LOXHD1: variants seen among roughly 807,000 people sequenced by gnomAD.
LOXHD1 encodes lipoxygenase homology PLAT domains 1.
LOXHD1 carries 205 observed loss-of-function variants against 248.2 expected under a neutral mutation model. The observed-to-expected ratio is 0.83, with a 90% CI of 0.74 to 0.93. The LOEUF is 0.93. LOXHD1 is among the 40% of genes least tolerant of loss of function. The pLI is 0.00. For synonymous variants in LOXHD1, 1,113 were observed against 1,162.8 expected (o/e 0.96, Z 0.87); for missense variants, 2,930 against 2,971.6 (o/e 0.99, Z 0.33).
At chr18:46,491,400 T>TG (rs1368406724) in intron 37 of LOXHD1, among the ~76,000 whole-genome samples, 1 of 152,184 alleles carries the variant, frequency 6.6e-6, no homozygotes, top group Non-Finnish European at 1.5e-5. Context: ...CAGTTTGCGG[T>TG]GGGGTCCAAG....
chr18:46,538,423 A>G (rs1358323713), intron 25 of LOXHD1, 86 bp from the exon 26 acceptor site: 1 of 1,299,024 alleles, frequency 7.7e-7, no homozygotes, highest in Non-Finnish European at 1.1e-6. Flanking sequence ...CACCAGCACA[A>G]CCAGCCCAGA....
chr18:46,490,345 A>C lies in LOXHD1; in HGVS notation c.5879-1203T>G, dbSNP rs542784854. Among the ~76,000 whole-genome samples the C allele has an allele frequency of 7.2e-5, 11 of 152,372 alleles. No homozygotes were observed. The South Asian group carries it at 2.1e-3, about 29-fold the overall frequency. Reference sequence around the variant, plus strand: ...GGGAATACACATTGGCGGTCCTGGTATAGCATCATTCCAGGTTGAAAAAGT... The same window carrying C: ...GGGAATACACATTGGCGGTCCTGGTCTAGCATCATTCCAGGTTGAAAAAGT... On this transcript the variant is annotated intron_variant, in intron 37 of 40. Coordinates refer to ENST00000642948, the MANE Select transcript of LOXHD1 (RefSeq NM_001384474.1).
At chr18:46,502,331 G>T (rs1011556864) in intron 37 of LOXHD1, among the ~76,000 whole-genome samples, 5 of 152,156 alleles carry the variant, frequency 3.3e-5, no homozygotes, top group African/African-American at 1.2e-4. Context: ...TGAGACAGAA[G>T]GTATGGGAGC....
chr18:46,480,996 A>T (rs953605882), intron 40 of LOXHD1, among the ~76,000 whole-genome samples: 1 of 152,220 alleles, frequency 6.6e-6, no homozygotes, highest in Admixed American at 6.5e-5. Context: ...AGAACTGGTC[A>T]GGAAGGTCAA....
intron 25 of LOXHD1, among the ~76,000 whole-genome samples, chr18:46,540,705 G>A (rs1024089235): frequency 5.9e-5 from 8 of 136,104 alleles, no homozygotes; most frequent in Non-Finnish European, 1.1e-4. Flanking sequence ...GGCATGTAGG[G>A]AGAAATGGAT....
chr18:46,547,141 C>T lies in LOXHD1; in HGVS notation c.3351-83G>A, dbSNP rs138335007. On this transcript the variant is annotated intron_variant, in intron 21 of 40. Coordinates refer to ENST00000642948, the MANE Select transcript of LOXHD1 (RefSeq NM_001384474.1). The stretch of plus-strand genomic sequence containing the variant: ...GCAGTCATGGGCTGAGAATGAGAGG[C>T]CCTCTATGGGGTCCCAAACTCTCCC... 4.7e-6 allele frequency: 7 copies of T among 1,482,390 alleles called. No individual in the cohort carries two copies. The African/African-American group carries it at 9.8e-5, about 21-fold the overall frequency. The allele number at this position is 1,482,390 out of a possible 1,614,324, so 91.8% of individuals were successfully genotyped here.
At chr18:46,622,863 T>C (rs1451648034) in intron 4 of LOXHD1, among the ~76,000 whole-genome samples, 1 of 152,200 alleles carries the variant, frequency 6.6e-6, no homozygotes, top group Non-Finnish European at 1.5e-5. Flanking sequence ...TCTGCAATCT[T>C]AGTCTTAAGC....
Position 46,522,163 on chromosome 18 carries a change from G to A in LOXHD1, c.5023C>T (p.Arg1675Cys), listed in dbSNP as rs201060702. The A allele has an allele frequency of 9.8e-4, 1,528 of 1,551,604 alleles. 6 individuals are homozygous for A. The Middle Eastern group carries it at 0.013, about 13-fold the overall frequency. ...DYPRGKRGFS[R>C]GSVEEFYVAG... ...ACGTAGAACTCCTCCACAGAGCCACGGCTGAAGCCCCTCTTCCCTCGGGGG... is the reference window on the plus strand; with the variant it reads ...ACGTAGAACTCCTCCACAGAGCCACAGCTGAAGCCCCTCTTCCCTCGGGGG... The change falls in exon 32 of 41, where the codon CGT (arginine) becomes TGT (cysteine). Residue 1675 changes from arginine to cysteine, a missense_variant. Physicochemically the swap from Arg to Cys is radical, Grantham distance 180 (BLOSUM62 -3). Transcript: ENST00000642948.
At chr18:46,648,847 A>C (rs1224101447) in intron 2 of LOXHD1, among the ~76,000 whole-genome samples, 1 of 152,220 alleles carries the variant, frequency 6.6e-6, no homozygotes, top group Non-Finnish European at 1.5e-5. Context: ...CCCCGAGTGC[A>C]GAGAGACTGG....
intron 29 of LOXHD1, among the ~76,000 whole-genome samples, chr18:46,528,002 C>A (rs542695844): frequency 1.3e-5 from 2 of 152,188 alleles, no homozygotes; most frequent in African/African-American, 4.8e-5. Flanking sequence ...CTCTGACTCA[C>A]GGGGTCACCA....
intron 17 of LOXHD1, among the ~76,000 whole-genome samples, chr18:46,564,091 AGAGT>A (rs1444437483): frequency 1.4e-5 from 2 of 145,248 alleles, no homozygotes; most frequent in East Asian, 4.0e-4. Context: ...GGGGAGAGAG[AGAGT>A]GTGTGTGTGT....
chr18:46,573,718 C>G (rs2037801440), intron 14 of LOXHD1, among the ~76,000 whole-genome samples: 1 of 152,148 alleles, frequency 6.6e-6, no homozygotes, highest in Non-Finnish European at 1.5e-5. Flanking sequence ...GTGGTCTCTC[C>G]CAAACCTTCT....
chr18:46,577,093 C>A (rs189324547), intron 14 of LOXHD1, among the ~76,000 whole-genome samples: 2 of 152,310 alleles, frequency 1.3e-5, no homozygotes, highest in Non-Finnish European at 1.5e-5. Context: ...GTCAATCATA[C>A]AGTGTGAATC....
intron 37 of LOXHD1, 68 bp downstream of exon 37, chr18:46,505,770 G>A: frequency 6.7e-7 from 1 of 1,503,314 alleles, no homozygotes; most frequent in African/African-American, 1.4e-5. Flanking sequence ...CTGCCAGGGA[G>A]GGAATAATGG....
At chr18:46,531,800 T>C (rs2036084552) in intron 28 of LOXHD1, among the ~76,000 whole-genome samples, 1 of 152,148 alleles carries the variant, frequency 6.6e-6, no homozygotes, top group Admixed American at 6.5e-5. Context: ...GCCCAAGTGC[T>C]CTCCTGGGAC....
Position 46,639,729 on chromosome 18 carries a change from C to T in LOXHD1, c.398G>A (p.Arg133Lys). ...LDHVIVTDMK[R>K]PHLRYYFNCN... ...GTTGAAGTAGTAACGGAGATGAGGC[C>T]TCTTCATGTCGGTCACAATCACATG... is the stretch of plus-strand genomic sequence containing the variant. The change falls in exon 4 of 41, where the codon AGG becomes AAG. Residue 133 changes from arginine (R) to lysine (K), a missense_variant. By Grantham distance (26) the Arg-to-Lys change is conservative. Coordinates refer to ENST00000642948, the MANE Select transcript of LOXHD1 (RefSeq NM_001384474.1). 6.4e-7 allele frequency: 1 copy of T among 1,551,738 alleles called. No homozygotes were observed. The highest frequency in any genetic ancestry group is 8.7e-7 in the Non-Finnish European group (1 of 1,147,020).
chr18:46,483,583 A>T lies in LOXHD1; in HGVS notation c.6341+4T>A, dbSNP rs1396802757. On this transcript the variant is annotated splice_donor_region_variant and intron_variant, in intron 40 of 40. Coordinates refer to ENST00000642948, the MANE Select transcript of LOXHD1 (RefSeq NM_001384474.1). Reference sequence around the variant, plus strand: ...ACTTCCTTGGGGAGAGGCTCAGTACATACACATTGCCGTACTCCATCTCGG... The same window carrying T: ...ACTTCCTTGGGGAGAGGCTCAGTACTTACACATTGCCGTACTCCATCTCGG... 2 of 1,551,156 alleles carry T rather than the reference A, an allele frequency of 1.3e-6. No individual in the cohort carries two copies. The highest frequency in any genetic ancestry group is 3.9e-5 in the Admixed American group (2 of 50,936).
At chr18:46,511,692 G>A (rs1398859961) in intron 34 of LOXHD1, among the ~76,000 whole-genome samples, 3 of 152,198 alleles carry the variant, frequency 2.0e-5, no homozygotes, top group Non-Finnish European at 4.4e-5. Flanking sequence ...TAGGGACCCT[G>A]GGAGAGGGCT....
In LOXHD1 at chr18:46,604,310, A is replaced by G. The variant is rs528642159; in HGVS notation, c.760-81T>C. 195 of 1,508,234 alleles carry G rather than the reference A, an allele frequency of 1.3e-4. 1 individual carries two copies. In the African/African-American group the frequency reaches 2.4e-3, roughly 18 times the overall value. The allele number at this position is 1,508,234 out of a possible 1,614,324, so 93.4% of individuals were successfully genotyped here. A position where few individuals can be genotyped will look rare whatever the true frequency, so the allele number is the denominator to read the frequency against. ...GGAGATCTAATCCAATCTTCCAATC[A>G]CTTGAGTCTACTTTAAGAATGTACT... On this transcript the variant is annotated intron_variant, in intron 6 of 40. Coordinates refer to ENST00000642948, the MANE Select transcript of LOXHD1 (RefSeq NM_001384474.1).
Sources: allele counts gnomAD v4.1 joint callset (sites outside exome capture counted in the v4.1 genomes callset), GRCh38; gene constraint gnomAD v4.1.1; transcripts MANE v1.5; gene names NCBI Gene and HGNC (gene_info 2026-07-23, HGNC 2026-07-21).